The following RPS6KC1 variants were observed in gnomAD, a reference collection of about 807,000 sequenced individuals.
RPS6KC1 encodes ribosomal protein S6 kinase C1.
A neutral mutation model predicts 103.8 loss-of-function variants in RPS6KC1; 54 were observed. The ratio of observed to expected loss-of-function variants is 0.52; its 90% CI spans 0.42 to 0.65. The LOEUF is 0.65. RPS6KC1 is among the 30% of genes least tolerant of loss of function. The probability of loss-of-function intolerance (pLI) is 0.00; values close to 1 mark genes in which losing one functional copy is unlikely to be tolerated. For synonymous variants in RPS6KC1, 439 were observed against 438.7 expected, an observed-to-expected ratio of 1.00 and a Z score of -0.01; for missense variants, 1,151 against 1,253.8, an observed-to-expected ratio of 0.92 and a Z score of 1.24.
At chr1:213,468,792 G>A in the RPS6KC1 span, among the ~76,000 whole-genome samples, 9 of 152,136 alleles carry the variant, frequency 5.9e-5, no homozygotes, top group Admixed American at 3.3e-4. Flanking sequence ...GATCTAGTTC[G>A]TGCCTATTCA....
the RPS6KC1 span, among the ~76,000 whole-genome samples, chr1:213,330,763 G>A: frequency 3.3e-5 from 5 of 152,308 alleles, no homozygotes; most frequent in Middle Eastern, 3.4e-3. Flanking sequence ...TGCTCTCCGC[G>A]ATCACTTCTT....
At chr1:213,625,848 G>A in the RPS6KC1 span, among the ~76,000 whole-genome samples, 1 of 152,188 alleles carries the variant, frequency 6.6e-6, no homozygotes, top group Admixed American at 6.5e-5. Context: ...ATTTGGCTTG[G>A]TTCCAAGTCT....
At chr1:213,484,529 C>G in the RPS6KC1 span, among the ~76,000 whole-genome samples, 1 of 152,202 alleles carries the variant, frequency 6.6e-6, no homozygotes, top group Non-Finnish European at 1.5e-5. Context: ...GAGCGAGCAC[C>G]CCTGATGTAA....
At chr1:213,189,376 G>A (rs2092664165) in intron 8 of RPS6KC1, among the ~76,000 whole-genome samples, 1 of 151,106 alleles carries the variant, frequency 6.6e-6, no homozygotes, top group Admixed American at 6.6e-5. Flanking sequence ...TTTAACCCAG[G>A]AGGCAGAGGT....
At chr1:213,858,416 G>A in the RPS6KC1 span, among the ~76,000 whole-genome samples, 1 of 152,130 alleles carries the variant, frequency 6.6e-6, no homozygotes, top group Non-Finnish European at 1.5e-5. Flanking sequence ...GCATCTTCAA[G>A]TCACATGTTG....
the RPS6KC1 span, among the ~76,000 whole-genome samples, chr1:213,293,966 T>C: frequency 2.0e-5 from 3 of 152,314 alleles, no homozygotes; most frequent in Non-Finnish European, 1.5e-5. Flanking sequence ...AGTTTTTAAT[T>C]TTTCATAATC....
the RPS6KC1 span, among the ~76,000 whole-genome samples, chr1:213,693,974 A>G: frequency 1.3e-5 from 2 of 152,168 alleles, no homozygotes; most frequent in Middle Eastern, 3.2e-3. Context: ...CCTCGGTTCA[A>G]TGGCTTCTGC....
At chr1:213,699,482 A>C in the RPS6KC1 span, among the ~76,000 whole-genome samples, 1 of 152,162 alleles carries the variant, frequency 6.6e-6, no homozygotes, top group African/African-American at 2.4e-5. Context: ...GGTTGCCCTC[A>C]AATCTTGGCT....
the RPS6KC1 span, among the ~76,000 whole-genome samples, chr1:213,746,586 T>G: frequency 6.6e-6 from 1 of 152,124 alleles, no homozygotes; most frequent in African/African-American, 2.4e-5. Context: ...TTTTAAGCAG[T>G]GGAATGGCAC....
rs1438086587 is a variant in RPS6KC1 at position 213,226,918 on chromosome 1, A to G, written c.1045-3579A>G. ...ATATTTTCAAAATTCAGAAATAAAT[A>G]GTATCGCTTAGCAATTAAAGAGGAA... On this transcript the variant is annotated intron_variant, in intron 8 of 14. Transcript: ENST00000366960. 2.0e-5 allele frequency among the ~76,000 whole-genome samples: 3 copies of G among 152,256 alleles called. No homozygotes were observed. In the South Asian group the frequency reaches 6.2e-4, roughly 31 times the overall value.
chr1:213,221,212 G>T (rs1239643720), intron 8 of RPS6KC1, among the ~76,000 whole-genome samples: 1 of 151,438 alleles, frequency 6.6e-6, no homozygotes, highest in Non-Finnish European at 1.5e-5. Flanking sequence ...TTAATAGAAA[G>T]ATCACATAAT....
chr1:213,759,165 C>T, the RPS6KC1 span, among the ~76,000 whole-genome samples: 36 of 152,292 alleles, frequency 2.4e-4, no homozygotes, highest in Middle Eastern at 3.4e-3. Context: ...AACATGGAGG[C>T]AAGACCCTTC....
chr1:213,400,293 C>T, the RPS6KC1 span, among the ~76,000 whole-genome samples: 4 of 151,980 alleles, frequency 2.6e-5, no homozygotes. Flanking sequence ...TTATTGAGCT[C>T]GACCATAAGA....
chr1:213,752,614 C>T, the RPS6KC1 span, among the ~76,000 whole-genome samples: 1 of 152,008 alleles, frequency 6.6e-6, no homozygotes, highest in African/African-American at 2.4e-5. Flanking sequence ...AAGCATTGAT[C>T]CATGGAGGGA....
chr1:213,738,811 A>G, the RPS6KC1 span, among the ~76,000 whole-genome samples: 347 of 151,486 alleles, frequency 2.3e-3, 1 homozygote, highest in African/African-American at 8.0e-3. Context: ...CCTGGCCAAC[A>G]TGGTGAAACC....
At chr1:213,328,185 C>T in the RPS6KC1 span, among the ~76,000 whole-genome samples, 41 of 152,216 alleles carry the variant, frequency 2.7e-4, no homozygotes, top group Non-Finnish European at 3.7e-4. Flanking sequence ...AATAGGCATG[C>T]AATACATTTT....
At chr1:213,387,595 G>A in the RPS6KC1 span, among the ~76,000 whole-genome samples, 1 of 152,180 alleles carries the variant, frequency 6.6e-6, no homozygotes, top group South Asian at 2.1e-4. Flanking sequence ...TTGTAAATCT[G>A]ATATCTAACG....
At chr1:213,220,526 A>G (rs2093804721) in intron 8 of RPS6KC1, among the ~76,000 whole-genome samples, 1 of 152,116 alleles carries the variant, frequency 6.6e-6, no homozygotes, top group African/African-American at 2.4e-5. Flanking sequence ...GGGTTTCACC[A>G]TGTTGGTCAG....
the RPS6KC1 span, among the ~76,000 whole-genome samples, chr1:213,522,509 G>C: frequency 6.6e-6 from 1 of 152,226 alleles, no homozygotes; most frequent in Non-Finnish European, 1.5e-5. Flanking sequence ...TTGAAGCCAT[G>C]TCCTAACTTC....
Sources: allele counts gnomAD v4.1 joint callset (sites outside exome capture counted in the v4.1 genomes callset), GRCh38; gene constraint gnomAD v4.1.1; transcripts MANE v1.5; gene names NCBI Gene and HGNC (gene_info 2026-07-23, HGNC 2026-07-21).